SFMBT1: variants seen among roughly 807,000 people sequenced by gnomAD.
The protein encoded by SFMBT1 is Scm like with four mbt domains 1, also known as scm-like with four MBT domains protein 1.
A neutral mutation model predicts 108.7 loss-of-function variants in SFMBT1; 32 were observed. The observed-to-expected ratio is 0.29, with a 90% CI of 0.22 to 0.40. The LOEUF is 0.40. SFMBT1 is among the 10% of genes least tolerant of loss of function. The probability of loss-of-function intolerance (pLI) is 1.00; values close to 1 mark genes in which losing one functional copy is unlikely to be tolerated. For missense variants in SFMBT1, 816 were observed against 1,059.6 expected, an observed-to-expected ratio of 0.77 and a Z score of 3.19; for synonymous variants, 348 against 369.5, an observed-to-expected ratio of 0.94 and a Z score of 0.67.
intron 4 of SFMBT1, among the ~76,000 whole-genome samples, chr3:52,941,551 G>A (rs567723943): frequency 3.4e-4 from 41 of 121,002 alleles, no homozygotes; most frequent in Non-Finnish European, 4.6e-4. Context: ...CTGAGATTGC[G>A]CCATTGCACT....
At chr3:52,973,115 C>T (rs1704405969) in intron 1 of SFMBT1, among the ~76,000 whole-genome samples, 1 of 152,046 alleles carries the variant, frequency 6.6e-6, no homozygotes, top group South Asian at 2.1e-4. Context: ...GCTTTGGAAG[C>T]CTGAGGCGGA....
chr3:52,966,005 CAAA>C (rs775989805), intron 2 of SFMBT1, among the ~76,000 whole-genome samples: 60 of 55,040 alleles, frequency 1.1e-3, no homozygotes, highest in Admixed American at 2.8e-3. Flanking sequence ...GACTCCGTTT[CAAA>C]AAAAAAAAAA....
chr3:52,944,757 G>C (rs1399165143), intron 3 of SFMBT1, among the ~76,000 whole-genome samples: 3 of 152,044 alleles, frequency 2.0e-5, no homozygotes, highest in Non-Finnish European at 4.4e-5. Context: ...CTGACCTCAG[G>C]TGATCCACCC....
intron 1 of SFMBT1, among the ~76,000 whole-genome samples, chr3:53,031,522 C>T (rs905256922): frequency 1.3e-5 from 2 of 151,312 alleles, no homozygotes; most frequent in African/African-American, 2.4e-5. Flanking sequence ...ATATTTAAAG[C>T]AGCAAAATAT....
intron 2 of SFMBT1, 40 bp downstream of exon 2, chr3:52,969,061 G>A: frequency 1.2e-6 from 2 of 1,607,318 alleles, no homozygotes; most frequent in African/African-American, 1.3e-5. Context: ...TAATATAATT[G>A]TGCATCCTAG....
intron 3 of SFMBT1, among the ~76,000 whole-genome samples, chr3:52,949,308 A>G (rs946911119): frequency 7.9e-5 from 12 of 152,128 alleles, no homozygotes; most frequent in African/African-American, 1.7e-4. Flanking sequence ...TAGTCTATAG[A>G]TGTCCATTAT....
intron 4 of SFMBT1, among the ~76,000 whole-genome samples, chr3:52,936,893 C>CTTTTTT (rs5848969): frequency 5.2e-5 from 6 of 114,982 alleles, no homozygotes; most frequent in African/African-American, 3.2e-5. Flanking sequence ...TTACACATTT[C>CTTTTTT]TTTTTTTTTT....
Position 52,998,506 on chromosome 3 carries a change from T to C in SFMBT1, c.-130-29248A>G, listed in dbSNP as rs1475577115. On this transcript the variant is annotated intron_variant, in intron 1 of 20. Coordinates refer to ENST00000394752, the MANE Select transcript of SFMBT1 (RefSeq NM_016329.4). Reference sequence around the variant, plus strand: ...CTGAGGACCACCCACCATGCCCCCATCATGGTGGTTCCCCTAGGTGCTGAA... The same window carrying C: ...CTGAGGACCACCCACCATGCCCCCACCATGGTGGTTCCCCTAGGTGCTGAA... 2.0e-5 allele frequency among the ~76,000 whole-genome samples: 3 copies of C among 150,330 alleles called. 1 individual carries two copies. The highest frequency in any genetic ancestry group is 3.0e-5 in the Non-Finnish European group (2 of 67,022).
In SFMBT1 at chr3:52,932,061, C is replaced by T; in HGVS notation, c.700+1G>A. On this transcript the variant is annotated splice_donor_variant, in intron 6 of 20. Coordinates refer to ENST00000394752, the MANE Select transcript of SFMBT1 (RefSeq NM_016329.4). LOFTEE classifies it high-confidence loss of function. Reference sequence around the variant, plus strand: ...AAGAAAAATGTCCTATTACTCTTCACCTGAAGGGGGCTGAAGCTCATATCC... The same window carrying T: ...AAGAAAAATGTCCTATTACTCTTCATCTGAAGGGGGCTGAAGCTCATATCC... 6.2e-7 allele frequency: 1 copy of T among 1,613,332 alleles called. No individual in the cohort carries two copies. The highest frequency in any genetic ancestry group is 8.5e-7 in the Non-Finnish European group (1 of 1,179,622).
chr3:53,020,581 A>G (rs1309458314), intron 1 of SFMBT1, among the ~76,000 whole-genome samples: 1 of 152,060 alleles, frequency 6.6e-6, no homozygotes, highest in African/African-American at 2.4e-5. Context: ...TTCCTGCAAT[A>G]CAAGCTGTTG....
At chr3:52,951,498 C>A (rs1703592047) in intron 3 of SFMBT1, among the ~76,000 whole-genome samples, 1 of 151,132 alleles carries the variant, frequency 6.6e-6, no homozygotes, top group South Asian at 2.1e-4. Context: ...CTCACTGCAA[C>A]CTCCGCCTCT....
chr3:52,996,686 A>G (rs966276896), intron 1 of SFMBT1, among the ~76,000 whole-genome samples: 2 of 150,530 alleles, frequency 1.3e-5, no homozygotes, highest in Non-Finnish European at 1.5e-5. Flanking sequence ...AGGAAATTTA[A>G]TAAGGATGGA....
chr3:53,041,806 G>A (rs576901560), intron 1 of SFMBT1, among the ~76,000 whole-genome samples: 1 of 150,238 alleles, frequency 6.7e-6, no homozygotes, highest in African/African-American at 2.4e-5. Flanking sequence ...AAACTCTAAT[G>A]GTTTAAAATC....
At chr3:53,035,086 G>A (rs117035574) in intron 1 of SFMBT1, among the ~76,000 whole-genome samples, 1 of 152,354 alleles carries the variant, frequency 6.6e-6, no homozygotes, top group East Asian at 1.9e-4. Flanking sequence ...ACAGGAGAGT[G>A]GGTTGGTGAG....
intron 4 of SFMBT1, among the ~76,000 whole-genome samples, chr3:52,935,596 T>C (rs1702981896): frequency 6.6e-6 from 1 of 152,210 alleles, no homozygotes; most frequent in Non-Finnish European, 1.5e-5. Context: ...TCCATATATA[T>C]ATTTTAGTAC....
intron 1 of SFMBT1, among the ~76,000 whole-genome samples, chr3:52,996,387 A>AT (rs1390385577): frequency 6.1e-5 from 9 of 148,208 alleles, no homozygotes; most frequent in Admixed American, 5.5e-4. Flanking sequence ...TAATTTTTGT[A>AT]TTTTTTTAGT....
chr3:53,041,118 C>T (rs1408806483), intron 1 of SFMBT1, among the ~76,000 whole-genome samples: 1 of 151,058 alleles, frequency 6.6e-6, no homozygotes. Context: ...TCACTGCGCC[C>T]GGCCTATTTT....
chr3:52,988,465 G>C (rs1321072055), intron 1 of SFMBT1, among the ~76,000 whole-genome samples: 1 of 152,028 alleles, frequency 6.6e-6, no homozygotes, highest in African/African-American at 2.4e-5. Flanking sequence ...CCAACTCCAG[G>C]GTAATGCTGC....
intron 6 of SFMBT1, 31 bp downstream of exon 6, chr3:52,932,031 C>G (rs1194136764): frequency 6.3e-7 from 1 of 1,599,512 alleles, no homozygotes; most frequent in Non-Finnish European, 8.5e-7. Context: ...ATGTTAATGT[C>G]ACAGAAGAAA....
Sources: gnomAD v4.1 joint callset for allele counts (sites outside exome capture counted in the v4.1 genomes callset) on GRCh38, gnomAD v4.1.1 for gene constraint, MANE v1.5 for transcripts, NCBI Gene and HGNC (gene_info 2026-07-23, HGNC 2026-07-21) for gene names.